The following TIPRL variants were observed in gnomAD, a reference collection of about 807,000 sequenced individuals.
TIPRL encodes TIP41-like protein.
A neutral mutation model predicts 32.3 loss-of-function variants in TIPRL; 10 were observed. That is an observed-to-expected ratio of 0.31 (90% CI 0.19 to 0.52). The LOEUF is 0.52. Ranked by LOEUF, TIPRL falls within the 20% of genes least tolerant of loss-of-function variation. The pLI, the probability that TIPRL is intolerant of heterozygous loss-of-function variation, is 0.96. For synonymous variants in TIPRL, 100 were observed against 114.0 expected, an observed-to-expected ratio of 0.88 and a Z score of 0.78; for missense variants, 250 against 328.1, an observed-to-expected ratio of 0.76 and a Z score of 1.84.
rs372030252 is a variant in TIPRL at position 168,179,029 on chromosome 1, C to T, written c.-49C>T. ...GCGGAGGAACCGGTGTTCGCCGCCG[C>T]CGCTGCTTCAGCTTATTCCTTGTGG... On this transcript the variant is annotated 5_prime_UTR_variant, in exon 1 of 7. Coordinates refer to ENST00000367833, the MANE Select transcript of TIPRL (RefSeq NM_152902.5). 1 of 1,544,136 alleles carries T rather than the reference C, an allele frequency of 6.5e-7. No individual in the cohort carries two copies. The highest frequency in any genetic ancestry group is 1.7e-5 in the Admixed American group (1 of 57,560).
rs1336771200 is a variant in TIPRL, at chr1:168,201,536, G to T, written c.*1490G>T. 1 of 151,728 alleles carries T rather than the reference G, an allele frequency of 6.6e-6. No homozygotes were observed. The highest frequency in any genetic ancestry group is 1.5e-5 in the Non-Finnish European group (1 of 67,894). The allele number at this position is 151,728 out of a possible 1,614,324, so 9.4% of individuals were successfully genotyped here. A position where few individuals can be genotyped will look rare whatever the true frequency, so the allele number is the denominator to read the frequency against. On this transcript the variant is annotated 3_prime_UTR_variant, in exon 7 of 7. Transcript: ENST00000367833. ...GCTATAGGAAATCAGGATTTTGTTG[G>T]CTTTAAGAAAACACATGGTATGTTC...
rs1572438879 is a variant in TIPRL, at chr1:168,200,581, C to G, written c.*535C>G. 6.8e-6 allele frequency: 1 copy of G among 147,024 alleles called. No homozygotes were observed. The highest frequency in any genetic ancestry group is 2.0e-4 in the East Asian group (1 of 5,070). 9.1% of individuals were successfully genotyped at this position (147,024 alleles called of 1,614,324 possible). On this transcript the variant is annotated 3_prime_UTR_variant, in exon 7 of 7. Transcript: ENST00000367833. ...CCCAAAATTTTAAAAATGTATTTCC[C>G]CCCAGTTTTAAATTGCCTTTGAAAT...
chr1:168,179,330 T>G, intron 1 of TIPRL, 149 bp downstream of exon 1: 1 of 653,956 alleles, frequency 1.5e-6, no homozygotes, highest in South Asian at 2.0e-5. Context: ...CTTCGATAAA[T>G]AATCCAGTCA....
intron 5 of TIPRL, 89 bp from the exon 6 acceptor site, chr1:168,198,830 C>A: frequency 8.7e-7 from 1 of 1,144,818 alleles, no homozygotes; most frequent in Non-Finnish European, 1.3e-6. Context: ...GACAACCTAT[C>A]CTAAAATGTA....
At chr1:168,185,690 A>G (rs1270849625) in intron 3 of TIPRL, among the ~76,000 whole-genome samples, 2 of 151,274 alleles carry the variant, frequency 1.3e-5, no homozygotes, top group East Asian at 3.9e-4. Context: ...GAATTGCTTG[A>G]ACCCGGGAGG....
At chr1:168,194,402 T>C (rs1284804630) in intron 4 of TIPRL, among the ~76,000 whole-genome samples, 1 of 152,222 alleles carries the variant, frequency 6.6e-6, no homozygotes, top group African/African-American at 2.4e-5. Context: ...CCCTAAAATA[T>C]GCTATTGTAT....
At chr1:168,179,446 C>T (rs534494958) in intron 1 of TIPRL, among the ~76,000 whole-genome samples, 1 of 152,206 alleles carries the variant, frequency 6.6e-6, no homozygotes, top group South Asian at 2.1e-4. Context: ...TTTCCCCTCA[C>T]CAAACGTCTC....
intron 1 of TIPRL, among the ~76,000 whole-genome samples, chr1:168,182,975 A>G (rs1699985508): frequency 6.6e-6 from 1 of 152,228 alleles, no homozygotes; most frequent in East Asian, 1.9e-4. Context: ...AGTCCTGAAG[A>G]CCATTGTTAA....
intron 3 of TIPRL, among the ~76,000 whole-genome samples, chr1:168,188,353 A>G (rs1700053857): frequency 6.6e-6 from 1 of 152,198 alleles, no homozygotes; most frequent in Admixed American, 6.5e-5. Flanking sequence ...TCTTCTGTAA[A>G]GAGTCAGACG....
Position 168,179,182 on chromosome 1 carries a change from G to T in TIPRL, c.104+1G>T. On this transcript the variant is annotated splice_donor_variant, in intron 1 of 6. Coordinates refer to ENST00000367833, the MANE Select transcript of TIPRL (RefSeq NM_152902.5). LOFTEE classifies it high-confidence loss of function. Reference sequence around the variant, plus strand: ...TCATGAAGTCGGCGGATGTGGAGAAGTGAGGCTTCGGGGCACGGGGTCTGG... The same window carrying T: ...TCATGAAGTCGGCGGATGTGGAGAATTGAGGCTTCGGGGCACGGGGTCTGG... 1.2e-6 allele frequency: 2 copies of T among 1,613,942 alleles called. No homozygotes were observed. The highest frequency in any genetic ancestry group is 1.1e-5 in the South Asian group (1 of 91,060).
rs770381679 is a variant in TIPRL at position 168,200,010 on chromosome 1, C to T, written c.783C>T (p.Asn261=). The T allele has an allele frequency of 4.3e-6, 7 of 1,613,402 alleles. No individual in the cohort carries two copies. Among genetic ancestry groups the T allele is most frequent in the African/African-American group, 1.3e-5 (1 of 74,872 alleles). ...TATTTCCAGAAAGAATTGATCCTAA[C>T]CCAGCAGACTCACAAAAAAGTACAC... ...KLIFPERIDP[N]PADSQKSTQV... The change falls in exon 7 of 7, where the codon AAC becomes AAT. Residue 261 remains asparagine (N), a synonymous_variant. Coordinates refer to ENST00000367833, the MANE Select transcript of TIPRL (RefSeq NM_152902.5).
intron 4 of TIPRL, among the ~76,000 whole-genome samples, chr1:168,194,801 TG>T (rs1700135338): frequency 6.6e-6 from 1 of 152,236 alleles, no homozygotes; most frequent in Admixed American, 6.5e-5. Flanking sequence ...AATGAGCACC[TG>T]CTGTGTGCTA....
In TIPRL at chr1:168,200,031, T is replaced by A. The variant is rs892544453; in HGVS notation, c.804T>A (p.Ser268Arg). The change falls in exon 7 of 7, where the codon AGT becomes AGA. Residue 268 changes from serine (S) to arginine (R), a missense_variant. By Grantham distance (110) the Ser-to-Arg change is moderately radical (BLOSUM62 -1). Coordinates refer to ENST00000367833, the MANE Select transcript of TIPRL (RefSeq NM_152902.5). ...IDPNPADSQK[S>R]TQVE is the part of the protein sequence containing the mutation. ...CTAACCCAGCAGACTCACAAAAAAG[T>A]ACACAAGTGGAATAAAATGTGATAC... The A allele has an allele frequency of 1.6e-5, 26 of 1,613,264 alleles. No individual in the cohort carries two copies. The highest frequency in any genetic ancestry group is 2.1e-5 in the Non-Finnish European group (25 of 1,179,594).
intron 3 of TIPRL, among the ~76,000 whole-genome samples, chr1:168,187,705 A>G (rs1700044814): frequency 6.6e-6 from 1 of 152,186 alleles, no homozygotes; most frequent in South Asian, 2.1e-4. Context: ...GGCTGGGTGT[A>G]GTGGCTCATG....
chr1:168,191,377 T>G lies in TIPRL; in HGVS notation c.393T>G (p.Pro131=). The G allele has an allele frequency of 6.5e-7, 1 of 1,532,388 alleles. No individual in the cohort carries two copies. 94.9% of individuals were successfully genotyped at this position (1,532,388 alleles called of 1,614,324 possible). The change falls in exon 4 of 7, where the codon CCT becomes CCG. Residue 131 remains proline (P), a synonymous_variant. Coordinates refer to ENST00000367833, the MANE Select transcript of TIPRL (RefSeq NM_152902.5). ...LGESLKLKVV[P]TTDHIDTEKL... is the part of the protein sequence containing the mutation. Reference sequence around the variant, plus strand: ...AAAATTTTTTCTTTCAGGTTGTACCTACAACAGATCATATAGATACAGAAA... The same window carrying G: ...AAAATTTTTTCTTTCAGGTTGTACCGACAACAGATCATATAGATACAGAAA...
In TIPRL at chr1:168,200,093, G is replaced by T; in HGVS notation, c.*47G>T. ...ACTATGGAATCTGACTGGACACCTT[G>T]GCTATTTGTAAGGGGTTATTTTTAT... On this transcript the variant is annotated 3_prime_UTR_variant, in exon 7 of 7. Coordinates refer to ENST00000367833, the MANE Select transcript of TIPRL (RefSeq NM_152902.5). The T allele has an allele frequency of 6.3e-7, 1 of 1,582,866 alleles. No homozygotes were observed. The highest frequency in any genetic ancestry group is 8.6e-7 in the Non-Finnish European group (1 of 1,165,000).
intron 3 of TIPRL, among the ~76,000 whole-genome samples, chr1:168,188,400 T>C (rs1700054391): frequency 6.6e-6 from 1 of 152,202 alleles, no homozygotes; most frequent in South Asian, 2.1e-4. Flanking sequence ...AGAGTCTCTG[T>C]TGCAGCAACT....
At position 168,201,080 on chromosome 1, in the gene TIPRL, A is replaced by G. The variant is rs1324216033; in HGVS notation, c.*1034A>G. The stretch of plus-strand genomic sequence containing the variant: ...GACTTAGGGAGTACAGAAAATACAC[A>G]GAAGTAAATTTCAAATCCATTTGAT... On this transcript the variant is annotated 3_prime_UTR_variant, in exon 7 of 7. Transcript: ENST00000367833. The G allele has an allele frequency of 6.6e-6, 1 of 152,188 alleles. No homozygotes were observed. Among genetic ancestry groups the G allele is most frequent in the Non-Finnish European group, 1.5e-5 (1 of 68,012 alleles). 9.4% of individuals were successfully genotyped at this position (152,188 alleles called of 1,614,324 possible).
intron 1 of TIPRL, 125 bp downstream of exon 1, chr1:168,179,306 C>A (rs1046357738): frequency 2.7e-6 from 2 of 737,254 alleles, no homozygotes; most frequent in East Asian, 2.8e-5. Context: ...CCGGACCGGA[C>A]CTTTGATTGA....
Sources: gnomAD v4.1 joint callset for allele counts (sites outside exome capture counted in the v4.1 genomes callset) on GRCh38, gnomAD v4.1.1 for gene constraint, MANE v1.5 for transcripts, NCBI Gene and HGNC (gene_info 2026-07-23, HGNC 2026-07-21) for gene names.